Variants in CNN2 observed in about 807,000 individuals in gnomAD.
The protein encoded by CNN2 is calponin-2.
CNN2 carries 21 observed loss-of-function variants against 31.0 expected under a neutral mutation model. The observed-to-expected ratio is 0.68, with a 90% CI of 0.48 to 0.98. CNN2 has a LOEUF of 0.98. CNN2 is among the 50% of genes least tolerant of loss of function. The probability of loss-of-function intolerance (pLI) is 0.00; values close to 1 mark genes in which losing one functional copy is unlikely to be tolerated. For missense variants in CNN2, 399 were observed against 427.3 expected (o/e 0.93, Z 0.58); for synonymous variants, 165 against 179.6 (o/e 0.92, Z 0.65).
intron 1 of CNN2, 91 bp downstream of exon 1, chr19:1,026,815 C>A (rs1179612995): frequency 1.6e-6 from 2 of 1,288,982 alleles, no homozygotes; most frequent in Admixed American, 2.8e-5. Context: ...CGGCACCTCC[C>A]GGGCAGGGAG....
rs770742226 is a variant in CNN2 at position 1,037,725 on chromosome 19, C to T, written c.755C>T (p.Thr252Met). The change falls in exon 7 of 7, where the codon ACG (threonine) becomes ATG (methionine). Residue 252 changes from threonine (T) to methionine (M), a missense_variant. Thr to Met is a moderately conservative substitution (Grantham distance 81, BLOSUM62 -1). Coordinates refer to ENST00000263097, the MANE Select transcript of CNN2 (RefSeq NM_004368.4). ...NSSMSLQMGY[T>M]QGANQSGQVF... ...TCCATGTCCCTGCAGATGGGCTACA[C>T]GCAGGGCGCCAACCAGAGCGGCCAG... The T allele has an allele frequency of 9.9e-6, 16 of 1,611,570 alleles. No homozygotes were observed. Among genetic ancestry groups the T allele is most frequent in the East Asian group, 6.7e-5 (3 of 44,904 alleles).
At chr19:1,037,456 G>C in intron 6 of CNN2, 169 bp from the exon 7 acceptor site, 1 of 801,454 alleles carries the variant, frequency 1.2e-6, no homozygotes, top group Non-Finnish European at 2.0e-6. Context: ...ATTTTTGGGA[G>C]AGACAGGGTT....
intron 2 of CNN2, among the ~76,000 whole-genome samples, 195 bp from the exon 3 acceptor site, chr19:1,032,197 T>C (rs922113984): frequency 5.5e-5 from 8 of 146,520 alleles, no homozygotes; most frequent in Admixed American, 2.1e-4. Context: ...ATAGTGCCAT[T>C]GCACTCTAGT....
chr19:1,028,779 G>T (rs1599505592), intron 1 of CNN2, among the ~76,000 whole-genome samples: 1 of 152,174 alleles, frequency 6.6e-6, no homozygotes, highest in South Asian at 2.1e-4. Context: ...GCAGAGACGC[G>T]GCGCAGCTGG....
intron 1 of CNN2, 80 bp downstream of exon 1, chr19:1,026,804 C>G: frequency 7.4e-7 from 1 of 1,349,160 alleles, no homozygotes; most frequent in South Asian, 1.4e-5. Flanking sequence ...CCAGGCGCCC[C>G]CGGCACCTCC....
At chr19:1,031,635 G>C (rs1375087753) in intron 2 of CNN2, among the ~76,000 whole-genome samples, 3 of 144,524 alleles carry the variant, frequency 2.1e-5, no homozygotes, top group Non-Finnish European at 4.5e-5. Context: ...TTTTTTTTGA[G>C]GTGGAGTCTC....
At position 1,026,731 on chromosome 19, in the gene CNN2, G is replaced by A; in HGVS notation, c.63+7G>A. ...GGCCGAGGTCAAGAACCGGGTGAGT[G>A]AGGGGCGCCCCTTGTCCCCCCGACA... On this transcript the variant is annotated splice_region_variant and intron_variant, in intron 1 of 6. Coordinates refer to ENST00000263097, the MANE Select transcript of CNN2 (RefSeq NM_004368.4). 6.5e-7 allele frequency: 1 copy of A among 1,548,654 alleles called. No individual in the cohort carries two copies. The highest frequency in any genetic ancestry group is 2.5e-5 in the East Asian group (1 of 40,546).
In CNN2 at chr19:1,037,969, C is replaced by CA; in HGVS notation, c.*69_*70insA. The CA allele has an allele frequency of 1.4e-5, 17 of 1,192,952 alleles. No homozygotes were observed. Among genetic ancestry groups the CA allele is most frequent in the Non-Finnish European group, 1.7e-5 (15 of 881,066 alleles). 73.9% of individuals were successfully genotyped at this position (1,192,952 alleles called of 1,614,324 possible). ...TTTTTGGGTTTTTCTGTGTTTTCAT[C>CA]TTTTTTTTTTTTTTCTTAACCCGTT... On this transcript the variant is annotated 3_prime_UTR_variant, in exon 7 of 7. Transcript: ENST00000263097.
At position 1,032,635 on chromosome 19, in the gene CNN2, A is replaced by C; in HGVS notation, c.329A>C (p.Asp110Ala). The C allele has an allele frequency of 6.2e-7, 1 of 1,612,596 alleles. No individual in the cohort carries two copies. Among genetic ancestry groups the C allele is most frequent in the South Asian group, 1.1e-5 (1 of 91,042 alleles). The stretch of plus-strand genomic sequence containing the variant: ...CCTGTGGACCTGTTCGAGGCCAACG[A>C]CCTGTTTGAGAGTGGGAACATGACG... ...MNPVDLFEAN[D>A]LFESGNMTQV... Residue 110 changes from aspartate to alanine, a missense_variant, in exon 4 of 7, where the codon GAC becomes GCC. Transcript: ENST00000263097.
chr19:1,036,520 G>A lies in CNN2; in HGVS notation c.612G>A (p.Ser204=), dbSNP rs376273313. Residue 204 remains serine, a synonymous_variant, in exon 6 of 7, where the codon TCG becomes TCA. Transcript: ENST00000263097. ...ATATCCTGCCCCCCATGGACCACTC[G>A]ACCATCAGCCTCCAGATGGGCACGA... ...KNHILPPMDH[S]TISLQMGTNK... 1.3e-5 allele frequency: 21 copies of A among 1,613,414 alleles called. No homozygotes were observed. Among genetic ancestry groups the A allele is most frequent in the East Asian group, 8.9e-5 (4 of 44,856 alleles).
rs1451036138 is a variant in CNN2, at chr19:1,032,331, T to A, written c.186-61T>A. Reference sequence around the variant, plus strand: ...CTTGGCTGAGATCAGCATCGGGTCTTCACGGTTCCTCGCTGCTCACAGAGG... The same window carrying A: ...CTTGGCTGAGATCAGCATCGGGTCTACACGGTTCCTCGCTGCTCACAGAGG... On this transcript the variant is annotated intron_variant, in intron 2 of 6. Coordinates refer to ENST00000263097, the MANE Select transcript of CNN2 (RefSeq NM_004368.4). 9.4e-6 allele frequency: 15 copies of A among 1,603,390 alleles called. No individual in the cohort carries two copies. In the Admixed American group the frequency reaches 2.5e-4, roughly 27 times the overall value.
chr19:1,035,782 C>G (rs1288672026), intron 4 of CNN2, among the ~76,000 whole-genome samples: 2 of 152,246 alleles, frequency 1.3e-5, no homozygotes, highest in South Asian at 4.1e-4. Flanking sequence ...ATTAGCCTGG[C>G]GTGGTGGCAC....
intron 1 of CNN2, among the ~76,000 whole-genome samples, chr19:1,029,129 C>G (rs1204425362): frequency 8.6e-6 from 1 of 115,618 alleles, no homozygotes; most frequent in Non-Finnish European, 1.7e-5. Flanking sequence ...GCAGGTCCAG[C>G]TCAGGGGACC....
At chr19:1,035,573 T>G (rs1344371625) in intron 4 of CNN2, among the ~76,000 whole-genome samples, 1 of 152,158 alleles carries the variant, frequency 6.6e-6, no homozygotes, top group Non-Finnish European at 1.5e-5. Flanking sequence ...CCCAGAATTC[T>G]TGGCCTGAGC....
At position 1,037,969 on chromosome 19, in the gene CNN2, C is replaced by CTTCT. The variant is rs2039626696; in HGVS notation, c.*71_*72insCTTT. The CTTCT allele has an allele frequency of 5.0e-6, 6 of 1,193,346 alleles. No homozygotes were observed. In the South Asian group the frequency reaches 1.0e-4, roughly 20 times the overall value. 73.9% of individuals were successfully genotyped at this position (1,193,346 alleles called of 1,614,324 possible). On this transcript the variant is annotated 3_prime_UTR_variant, in exon 7 of 7. Transcript: ENST00000263097. Reference sequence around the variant, plus strand: ...TTTTTGGGTTTTTCTGTGTTTTCATCTTTTTTTTTTTTTTCTTAACCCGTT... The same window carrying CTTCT: ...TTTTTGGGTTTTTCTGTGTTTTCATCTTCTTTTTTTTTTTTTTTCTTAACCCGTT...
intron 6 of CNN2, 149 bp downstream of exon 6, chr19:1,036,711 C>G: frequency 2.2e-6 from 2 of 917,126 alleles, no homozygotes; most frequent in Non-Finnish European, 3.4e-6. Context: ...TCCCCGCTCT[C>G]TGTCTCCGCC....
chr19:1,028,682 G>C (rs1474361183), intron 1 of CNN2, among the ~76,000 whole-genome samples: 1 of 152,038 alleles, frequency 6.6e-6, no homozygotes, highest in Non-Finnish European at 1.5e-5. Context: ...TGTGCTGGAA[G>C]GCCGGCGGCC....
chr19:1,032,275 G>T, intron 2 of CNN2, 117 bp from the exon 3 acceptor site: 4 of 1,162,894 alleles, frequency 3.4e-6, no homozygotes, highest in Non-Finnish European at 5.0e-6. Flanking sequence ...GGCCCAGAGA[G>T]AGGCCGTGAG....
At chr19:1,030,931 G>A in intron 1 of CNN2, 140 bp from the exon 2 acceptor site, 1 of 1,062,962 alleles carries the variant, frequency 9.4e-7, no homozygotes, top group Non-Finnish European at 1.4e-6. Flanking sequence ...ATCTGCGTGG[G>A]TGTGGTGAGG....
Sources: gnomAD v4.1 joint callset for allele counts (sites outside exome capture counted in the v4.1 genomes callset) on GRCh38, gnomAD v4.1.1 for gene constraint, MANE v1.5 for transcripts, NCBI Gene and HGNC (gene_info 2026-07-23, HGNC 2026-07-21) for gene names.